Variants in LPAR1 observed in about 807,000 individuals in gnomAD.
LPAR1 encodes lysophosphatidic acid receptor 1.
Under a neutral mutation model 23.8 loss-of-function variants are expected in LPAR1, and 5 were observed. That is an observed-to-expected ratio of 0.21 (90% CI 0.11 to 0.44). The LOEUF (loss-of-function observed/expected upper bound fraction) is 0.44, where lower values mean the gene tolerates loss of function less well. Among genes scored for constraint, LPAR1 ranks in the 20% least tolerant of loss-of-function variants. The pLI, the probability that LPAR1 is intolerant of heterozygous loss-of-function variation, is 0.99. For missense variants in LPAR1, 311 were observed against 482.8 expected (o/e 0.64, Z 3.33); for synonymous variants, 160 against 164.7 (o/e 0.97, Z 0.22).
intron 5 of LPAR1, among the ~76,000 whole-genome samples, chr9:110,929,408 C>T (rs2094249293): frequency 6.6e-6 from 1 of 151,954 alleles, no homozygotes; most frequent in Non-Finnish European, 1.5e-5. Context: ...TTTCAAAGAG[C>T]ATGACAAAGA....
At chr9:111,009,493 A>C (rs1246230319) in intron 2 of LPAR1, among the ~76,000 whole-genome samples, 2 of 152,228 alleles carry the variant, frequency 1.3e-5, no homozygotes, top group East Asian at 3.9e-4. Context: ...TGTCATTTTT[A>C]TTTTTTGAAA....
rs1055273389 is a variant in LPAR1, at chr9:110,924,074, T to TA, written c.793+17346dup. ...ACAAATGGTTGTAACATAGTGCCAC[T>TA]AAAAAAAATCCAATATTGTCATGAA... On this transcript the variant is annotated intron_variant, in intron 5 of 5. Transcript: ENST00000683809. Among the ~76,000 whole-genome samples, 353 of 151,808 alleles carry TA rather than the reference T, an allele frequency of 2.3e-3. 2 individuals carry two copies. Among genetic ancestry groups the TA allele is most frequent in the African/African-American group, 8.0e-3 (330 of 41,436 alleles).
intron 2 of LPAR1, among the ~76,000 whole-genome samples, chr9:111,025,078 C>G (rs1448779994): frequency 6.6e-6 from 1 of 152,168 alleles, no homozygotes; most frequent in Non-Finnish European, 1.5e-5. Flanking sequence ...AATGGGATGG[C>G]TGGGTCAAAT....
intron 5 of LPAR1, among the ~76,000 whole-genome samples, chr9:110,918,929 G>A (rs1187749565): frequency 6.6e-6 from 1 of 151,452 alleles, no homozygotes; most frequent in East Asian, 1.9e-4. Flanking sequence ...CATCTATGGT[G>A]GACACACCCT....
chr9:110,890,816 A>C (rs1468273293), intron 5 of LPAR1, among the ~76,000 whole-genome samples: 1 of 152,252 alleles, frequency 6.6e-6, no homozygotes, highest in African/African-American at 2.4e-5. Context: ...CTATTAAGAA[A>C]AAATATTAGC....
intron 5 of LPAR1, among the ~76,000 whole-genome samples, chr9:110,910,692 G>C (rs7035723): frequency 3.9e-5 from 6 of 152,072 alleles, no homozygotes; most frequent in Admixed American, 3.9e-4. Context: ...ATGATTCATA[G>C]TAGGAGGCCA....
chr9:110,986,872 G>A (rs1478388264), intron 2 of LPAR1, among the ~76,000 whole-genome samples: 1 of 152,094 alleles, frequency 6.6e-6, no homozygotes, highest in Non-Finnish European at 1.5e-5. Context: ...AATCAATACT[G>A]AGTGCTTGAA....
intron 5 of LPAR1, among the ~76,000 whole-genome samples, chr9:110,938,613 G>A (rs985230104): frequency 6.6e-6 from 1 of 151,940 alleles, no homozygotes; most frequent in Non-Finnish European, 1.5e-5. Flanking sequence ...CAGCATTTTG[G>A]GAGGCCAAGG....
intron 5 of LPAR1, among the ~76,000 whole-genome samples, chr9:110,931,635 T>C (rs960114510): frequency 1.5e-4 from 23 of 152,232 alleles, no homozygotes; most frequent in Non-Finnish European, 3.4e-4. Context: ...GGTTTTCTTC[T>C]AGGGTTTTTA....
At chr9:110,895,500 C>G (rs12001422) in intron 5 of LPAR1, among the ~76,000 whole-genome samples, 2 of 152,150 alleles carry the variant, frequency 1.3e-5, no homozygotes, top group African/African-American at 4.8e-5. Context: ...CTAGGGGAGA[C>G]CCACTTGTTT....
At chr9:110,902,993 G>A (rs1022641277) in intron 5 of LPAR1, among the ~76,000 whole-genome samples, 3 of 152,130 alleles carry the variant, frequency 2.0e-5, no homozygotes, top group Admixed American at 6.5e-5. Context: ...TTGGATGCAC[G>A]GCCCACAAAA....
chr9:111,003,261 A>G (rs544048637), intron 2 of LPAR1, among the ~76,000 whole-genome samples: 1 of 152,280 alleles, frequency 6.6e-6, no homozygotes, highest in African/African-American at 2.4e-5. Flanking sequence ...ACAGAGATTC[A>G]GTCACAAACA....
At chr9:110,960,380 T>A (rs567153150) in intron 4 of LPAR1, among the ~76,000 whole-genome samples, 2 of 152,196 alleles carry the variant, frequency 1.3e-5, no homozygotes, top group Non-Finnish European at 2.9e-5. Flanking sequence ...TTTTTATGTT[T>A]TTCTCACATA....
At chr9:110,932,167 AC>A (rs1478232688) in intron 5 of LPAR1, among the ~76,000 whole-genome samples, 7 of 152,142 alleles carry the variant, frequency 4.6e-5, no homozygotes, top group Admixed American at 4.6e-4. Context: ...TAACTAGGCA[AC>A]CTGTAAAACT....
intron 2 of LPAR1, among the ~76,000 whole-genome samples, chr9:111,029,024 G>A (rs2097752962): frequency 1.3e-5 from 2 of 152,238 alleles, no homozygotes; most frequent in Non-Finnish European, 2.9e-5. Context: ...CACCTATCAA[G>A]AGAAGCCATA....
At chr9:110,982,762 A>T (rs1396625289) in intron 2 of LPAR1, among the ~76,000 whole-genome samples, 1 of 151,706 alleles carries the variant, frequency 6.6e-6, no homozygotes, top group African/African-American at 2.4e-5. Flanking sequence ...AAACTTTCCT[A>T]ACTCCTACAA....
At position 110,916,371 on chromosome 9, in the gene LPAR1, T is replaced by C. The variant is rs142719759; in HGVS notation, c.793+25050A>G. Among the ~76,000 whole-genome samples the C allele has an allele frequency of 3.1e-3, 479 of 152,316 alleles. 4 individuals are homozygous for C. Among genetic ancestry groups the C allele is most frequent in the African/African-American group, 0.011 (439 of 41,570 alleles). On this transcript the variant is annotated intron_variant, in intron 5 of 5. Transcript: ENST00000683809. ...CTTTGTTCTTAGCCACTATGCTATA[T>C]TGGCACAAGAAAAAAATACACTGGA...
intron 2 of LPAR1, among the ~76,000 whole-genome samples, chr9:110,989,076 G>A (rs1232447469): frequency 2.0e-5 from 3 of 152,130 alleles, no homozygotes. Context: ...GTCCAAGATA[G>A]GTAAATCTAT....
intron 5 of LPAR1, among the ~76,000 whole-genome samples, chr9:110,884,072 T>C (rs932580256): frequency 1.3e-5 from 2 of 152,072 alleles, no homozygotes; most frequent in Admixed American, 6.6e-5. Flanking sequence ...AGGTGAGAAG[T>C]CTGATGTATG....
Sources: gnomAD v4.1 joint callset for allele counts (sites outside exome capture counted in the v4.1 genomes callset) on GRCh38, gnomAD v4.1.1 for gene constraint, MANE v1.5 for transcripts, NCBI Gene and HGNC (gene_info 2026-07-23, HGNC 2026-07-21) for gene names.